Variants in EXOC1 observed in about 807,000 individuals in gnomAD.
The protein encoded by EXOC1 is SEC3-like 1.
Under a neutral mutation model 107.7 loss-of-function variants are expected in EXOC1, and 67 were observed. The ratio of observed to expected loss-of-function variants is 0.62; its 90% CI spans 0.51 to 0.76. The LOEUF is 0.76. Among genes scored for constraint, EXOC1 ranks in the 30% least tolerant of loss-of-function variants. The probability of loss-of-function intolerance (pLI) is 0.00; values close to 1 mark genes in which losing one functional copy is unlikely to be tolerated. For missense variants in EXOC1, 833 were observed against 1,055.7 expected, an observed-to-expected ratio of 0.79 and a Z score of 2.92; for synonymous variants, 348 against 353.5, an observed-to-expected ratio of 0.98 and a Z score of 0.17.
chr4:55,876,503 C>A, intron 8 of EXOC1: 1 of 790,062 alleles, frequency 1.3e-6, no homozygotes, highest in East Asian at 1.3e-4. Flanking sequence ...TCACATTTTA[C>A]CATCAAAATT....
intron 17 of EXOC1, chr4:55,902,100 TAA>T (rs1726013599): frequency 3.6e-6 from 1 of 274,542 alleles, no homozygotes; most frequent in Admixed American, 5.4e-5. Context: ...ATATTAAATG[TAA>T]AGTGGGACAT....
At position 55,889,812 on chromosome 4, in the gene EXOC1, A is replaced by G. The variant is rs931256417; in HGVS notation, c.1376-411A>G. Among the ~76,000 whole-genome samples the G allele has an allele frequency of 2.0e-5, 3 of 152,198 alleles. No homozygotes were observed. The East Asian group carries it at 5.8e-4, about 29-fold the overall frequency. On this transcript the variant is annotated intron_variant, in intron 11 of 18. Coordinates refer to ENST00000381295, the MANE Select transcript of EXOC1 (RefSeq NM_001024924.2). ...AGATGCAGCAGTTTTCTTCTGAAGT[A>G]TAACAAAGTCATGCTGGCTAATATG... is the stretch of plus-strand genomic sequence containing the variant.
chr4:55,859,756 G>A (rs1254069871), intron 2 of EXOC1, among the ~76,000 whole-genome samples: 2 of 152,152 alleles, frequency 1.3e-5, no homozygotes, highest in African/African-American at 2.4e-5. Flanking sequence ...AATCATGAAT[G>A]GGAGTTGAAT....
intron 8 of EXOC1, among the ~76,000 whole-genome samples, chr4:55,872,427 T>C (rs1013555761): frequency 6.6e-6 from 1 of 152,128 alleles, no homozygotes; most frequent in African/African-American, 2.4e-5. Flanking sequence ...TGATCTAATC[T>C]TCATATAAAT....
At chr4:55,897,586 G>A (rs1230827709) in intron 16 of EXOC1, among the ~76,000 whole-genome samples, 2 of 152,020 alleles carry the variant, frequency 1.3e-5, no homozygotes, top group African/African-American at 4.8e-5. Flanking sequence ...TAAATGATCT[G>A]ATTGCATATA....
chr4:55,902,993 A>G (rs890162218), intron 18 of EXOC1, among the ~76,000 whole-genome samples: 1 of 151,934 alleles, frequency 6.6e-6, no homozygotes, highest in African/African-American at 2.4e-5. Flanking sequence ...AAATTAAAAA[A>G]ATTAGCTGGG....
intron 3 of EXOC1, among the ~76,000 whole-genome samples, chr4:55,863,513 A>G (rs1192237332): frequency 1.3e-5 from 2 of 152,068 alleles, no homozygotes; most frequent in Non-Finnish European, 1.5e-5. Flanking sequence ...CAGGAGGCTG[A>G]GGTTGGGAGG....
At position 55,874,965 on chromosome 4, in the gene EXOC1, TC is replaced by T. The variant is rs1722757864; in HGVS notation, c.1075-2951del. Reference sequence around the variant, plus strand: ...GAAAGATTTATTTTGATAACTACTCTCTGCCTTTTGTTTCCCCCTTTGGTTC... The same window carrying T: ...GAAAGATTTATTTTGATAACTACTCTTGCCTTTTGTTTCCCCCTTTGGTTC... On this transcript the variant is annotated intron_variant, in intron 8 of 18. Coordinates refer to ENST00000381295, the MANE Select transcript of EXOC1 (RefSeq NM_001024924.2). 1.3e-5 allele frequency among the ~76,000 whole-genome samples: 2 copies of T among 152,212 alleles called. 1 individual carries two copies. The highest frequency in any genetic ancestry group is 4.1e-4 in the South Asian group (2 of 4,836).
intron 8 of EXOC1, chr4:55,876,174 A>C (rs1157646517): frequency 2.0e-6 from 2 of 985,274 alleles, no homozygotes; most frequent in African/African-American, 1.7e-5. Flanking sequence ...CTTACAGAAA[A>C]GATATGGTAG....
chr4:55,900,546 G>A (rs1725778908), intron 17 of EXOC1: 2 of 151,886 alleles, frequency 1.3e-5, no homozygotes, highest in African/African-American at 4.8e-5. Flanking sequence ...AACTAACTTT[G>A]TCTGCAATAT....
In EXOC1 at chr4:55,890,301, G is replaced by A. The variant is rs1281156642; in HGVS notation, c.1454G>A (p.Arg485His). ...NKLSVQSSGN[R>H]RSQSSSLLDM... The stretch of plus-strand genomic sequence containing the variant: ...CTCAGTGTTCAGAGTTCAGGGAATC[G>A]CAGATCTCAGTCATCTTCCCTGTTG... The change falls in exon 12 of 19, where the codon CGC becomes CAC. Residue 485 changes from arginine (R) to histidine (H), a missense_variant. By Grantham distance (29) the Arg-to-His change is conservative (BLOSUM62 0). Coordinates refer to ENST00000381295, the MANE Select transcript of EXOC1 (RefSeq NM_001024924.2). 2.5e-6 allele frequency: 4 copies of A among 1,613,794 alleles called. No homozygotes were observed. The highest frequency in any genetic ancestry group is 1.3e-5 in the African/African-American group (1 of 74,906).
At chr4:55,894,218 G>A (rs772114046) in intron 15 of EXOC1, among the ~76,000 whole-genome samples, 12 of 151,818 alleles carry the variant, frequency 7.9e-5, no homozygotes, top group African/African-American at 2.4e-4. Context: ...CCAACTACTC[G>A]GGAGGCTGAG....
At chr4:55,863,263 G>T (rs1235626317) in intron 3 of EXOC1, among the ~76,000 whole-genome samples, 1 of 152,064 alleles carries the variant, frequency 6.6e-6, no homozygotes, top group Non-Finnish European at 1.5e-5. Flanking sequence ...GCCTGATGTG[G>T]ATTATTGCTA....
intron 1 of EXOC1, among the ~76,000 whole-genome samples, chr4:55,857,461 C>G (rs914252914): frequency 6.6e-6 from 1 of 152,100 alleles, no homozygotes; most frequent in African/African-American, 2.4e-5. Context: ...AGCCACCGCC[C>G]GTGCCCGGCC....
intron 8 of EXOC1, among the ~76,000 whole-genome samples, chr4:55,873,930 G>A (rs1013904381): frequency 2.1e-4 from 32 of 152,072 alleles, no homozygotes; most frequent in African/African-American, 6.8e-4. Flanking sequence ...ATAAGAATAA[G>A]CAATAGTTCC....
At chr4:55,877,038 A>T in intron 8 of EXOC1, 1 of 983,616 alleles carries the variant, frequency 1.0e-6, no homozygotes, top group Non-Finnish European at 1.2e-6. Context: ...TTAAAAGAAA[A>T]TTTTTTAAAA....
intron 16 of EXOC1, among the ~76,000 whole-genome samples, chr4:55,898,294 C>T (rs1451594741): frequency 2.0e-5 from 3 of 152,064 alleles, no homozygotes; most frequent in African/African-American, 7.2e-5. Context: ...ATTCATTATT[C>T]GTTCTTTATA....
chr4:55,862,646 T>C (rs1721584637), intron 3 of EXOC1, among the ~76,000 whole-genome samples: 1 of 152,214 alleles, frequency 6.6e-6, no homozygotes, highest in Non-Finnish European at 1.5e-5. Context: ...ATTGAACTAA[T>C]TAGTAGTTCC....
At chr4:55,858,533 GTC>G (rs1721194771) in intron 2 of EXOC1, 86 bp downstream of exon 2, 1 of 1,399,750 alleles carries the variant, frequency 7.1e-7, no homozygotes, top group African/African-American at 1.5e-5. Flanking sequence ...TATCCTCATT[GTC>G]TCTGTAATTG....
Sources: gnomAD v4.1 joint callset for allele counts (sites outside exome capture counted in the v4.1 genomes callset) on GRCh38, gnomAD v4.1.1 for gene constraint, MANE v1.5 for transcripts, NCBI Gene and HGNC (gene_info 2026-07-23, HGNC 2026-07-21) for gene names.